The following PURG variants were observed in gnomAD, a reference collection of about 807,000 sequenced individuals.
The protein encoded by PURG is purine-rich element-binding protein gamma.
PURG carries 3 observed loss-of-function variants against 24.3 expected under a neutral mutation model. That is an observed-to-expected ratio of 0.12 (90% confidence interval 0.06 to 0.32). PURG has a LOEUF of 0.32. Ranked by LOEUF, PURG falls within the 10% of genes least tolerant of loss-of-function variation. The pLI is 1.00. For missense variants in PURG, 371 were observed against 439.1 expected (o/e 0.84, Z 1.39); for synonymous variants, 180 against 173.1 (o/e 1.04, Z -0.31).
intron 1 of PURG, among the ~76,000 whole-genome samples, chr8:31,025,671 G>T (rs559193029): frequency 1.3e-5 from 2 of 151,182 alleles, no homozygotes; most frequent in South Asian, 4.2e-4. Context: ...TTTTCTTGGT[G>T]GTCAATAGAA....
In PURG at chr8:31,031,708, T is replaced by G. The variant is rs1198909198; in HGVS notation, c.*31A>C. On this transcript the variant is annotated 3_prime_UTR_variant, in exon 2 of 2. Coordinates refer to ENST00000523392, the MANE Select transcript of PURG (RefSeq NM_001323311.2). ...AGTACTTTTAGCCAATTTGTGATTT[T>G]AAATTTTGCCTGATGGAGTTCAATT... The G allele has an allele frequency of 6.6e-7, 1 of 1,508,436 alleles. No individual in the cohort carries two copies. The highest frequency in any genetic ancestry group is 1.3e-5 in the South Asian group (1 of 76,596). The allele number at this position is 1,508,436 out of a possible 1,614,324, so 93.4% of individuals were successfully genotyped here. A position where few individuals can be genotyped will look rare whatever the true frequency, so the allele number is the denominator to read the frequency against.
Position 31,031,045 on chromosome 8 carries a change from T to A in PURG, c.*694A>T, listed in dbSNP as rs1811190114. The A allele has an allele frequency of 6.6e-6, 1 of 152,566 alleles. No homozygotes were observed. The highest frequency in any genetic ancestry group is 2.1e-4 in the South Asian group (1 of 4,834). 9.5% of individuals were successfully genotyped at this position (152,566 alleles called of 1,614,324 possible). A position where few individuals can be genotyped will look rare whatever the true frequency, so the allele number is the denominator to read the frequency against. On this transcript the variant is annotated 3_prime_UTR_variant, in exon 2 of 2. Coordinates refer to ENST00000523392, the MANE Select transcript of PURG (RefSeq NM_001323311.2). ...TTAAGTAGAGGTAAAGAAGGGATTG[T>A]AACTAAACTTAGAATAACGAATTAA... is the stretch of plus-strand genomic sequence containing the variant.
intron 1 of PURG, among the ~76,000 whole-genome samples, chr8:31,025,099 T>C (rs373644378): frequency 6.6e-6 from 1 of 152,070 alleles, no homozygotes; most frequent in African/African-American, 2.4e-5. Flanking sequence ...TAATTCATTA[T>C]GTTTTTATTT....
chr8:31,007,445 T>C (rs1432800427), intron 1 of PURG, among the ~76,000 whole-genome samples: 1 of 152,190 alleles, frequency 6.6e-6, no homozygotes, highest in Non-Finnish European at 1.5e-5. Flanking sequence ...AATAATGTTT[T>C]CAACTTGAAA....
chr8:31,032,060 T>C lies in PURG; in HGVS notation c.723A>G (p.Glu241=). 6.2e-7 allele frequency: 1 copy of C among 1,614,232 alleles called. No homozygotes were observed. The highest frequency in any genetic ancestry group is 8.5e-7 in the Non-Finnish European group (1 of 1,180,042). ...CTTCTATGTCTCCTTCGCCATAGTC[T>C]TCAATCAGCTGAACCAAGGCATCAC... The part of the protein sequence containing the change: ...EFRDALVQLI[E]DYGEGDIEER... Residue 241 remains glutamate (E), a synonymous_variant, in exon 2 of 2, where the codon GAA becomes GAG. Coordinates refer to ENST00000523392, the MANE Select transcript of PURG (RefSeq NM_001323311.2). This position sits in a 1 kb window ranked among gnomAD's most constrained non-coding sequence, Gnocchi z 5.9.
chr8:31,022,977 C>A (rs1811025838), intron 1 of PURG, among the ~76,000 whole-genome samples: 1 of 152,164 alleles, frequency 6.6e-6, no homozygotes, highest in Non-Finnish European at 1.5e-5. Context: ...TAGGTGACTT[C>A]TTTTGGTAAA....
chr8:31,000,828 C>T (rs1810523537), intron 1 of PURG, among the ~76,000 whole-genome samples: 1 of 152,144 alleles, frequency 6.6e-6, no homozygotes, highest in Non-Finnish European at 1.5e-5. Context: ...GCATCCTCAT[C>T]TTCTGAGAGA....
chr8:30,996,572 G>A lies in PURG; in HGVS notation c.*21C>T, dbSNP rs774620462. On this transcript the variant is annotated 3_prime_UTR_variant, in exon 2 of 2. Coordinates refer to the PURG transcript ENST00000339382. ...TCACCGAATGCCTTTATTCTGAGGT[G>A]TAACATAAGAGATTTATTCCTTATT... 1.3e-5 allele frequency: 20 copies of A among 1,548,764 alleles called. No individual in the cohort carries two copies. In the South Asian group the frequency reaches 1.7e-4, roughly 13 times the overall value.
At chr8:31,003,015 T>A (rs1810569692) in intron 1 of PURG, among the ~76,000 whole-genome samples, 1 of 152,226 alleles carries the variant, frequency 6.6e-6, no homozygotes, top group African/African-American at 2.4e-5. Context: ...TGAGGCTTAG[T>A]ATGACAGCAC....
intron 1 of PURG, among the ~76,000 whole-genome samples, chr8:31,005,417 A>T (rs1810621930): frequency 6.7e-6 from 1 of 149,934 alleles, no homozygotes; most frequent in Admixed American, 6.8e-5. Flanking sequence ...TGGGTAACAG[A>T]GTGAGATCCT....
At chr8:31,000,029 A>G (rs1312900837) in intron 1 of PURG, among the ~76,000 whole-genome samples, 1 of 152,096 alleles carries the variant, frequency 6.6e-6, no homozygotes, top group Admixed American at 6.6e-5. Flanking sequence ...ATTTGTCTAC[A>G]TATACATCTT....
At chr8:31,028,329 A>G (rs1811127446), downstream of PURG, among the ~76,000 whole-genome samples, 1 of 151,812 alleles carries the variant, frequency 6.6e-6, no homozygotes, top group South Asian at 2.1e-4. Flanking sequence ...AACAGTTCCA[A>G]CACAAACATA....
intron 1 of PURG, among the ~76,000 whole-genome samples, chr8:30,998,712 ATATAGTTTATGGCG>A (rs1374332019): frequency 6.6e-6 from 1 of 151,840 alleles, no homozygotes; most frequent in African/African-American, 2.4e-5. Context: ...CTTCTGAACA[ATATAGTTTATGGCG>A]TAATATACAG....
intron 1 of PURG, among the ~76,000 whole-genome samples, chr8:31,013,535 G>C (rs916106275): frequency 1.3e-5 from 2 of 152,084 alleles, no homozygotes; most frequent in Non-Finnish European, 2.9e-5. Flanking sequence ...GCAGGAGTTC[G>C]AGACTAGCCC....
At chr8:31,009,061 A>G (rs1810713334) in intron 1 of PURG, among the ~76,000 whole-genome samples, 1 of 152,202 alleles carries the variant, frequency 6.6e-6, no homozygotes, top group Non-Finnish European at 1.5e-5. Flanking sequence ...TCTGACTTTT[A>G]TATTTATAAC....
chr8:31,028,859 C>T (rs888172910), downstream of PURG, among the ~76,000 whole-genome samples: 9 of 151,752 alleles, frequency 5.9e-5, no homozygotes, highest in African/African-American at 2.2e-4. Flanking sequence ...TTATTAGGTG[C>T]AAACATCATC....
In PURG at chr8:31,032,812, G is replaced by T. The variant is rs770403998; in HGVS notation, c.-6-24C>A. On this transcript the variant is annotated intron_variant, in intron 1 of 1. Coordinates refer to ENST00000523392, the MANE Select transcript of PURG (RefSeq NM_001323311.2). This position sits in a 1 kb window ranked among gnomAD's most constrained non-coding sequence, Gnocchi z 5.9. ...AGCTGCAAGTAACAAACAGACACAC[G>T]GGATGGGGTGGGGGAGGGGTGTTGA... is the stretch of plus-strand genomic sequence containing the variant. The T allele has an allele frequency of 2.2e-6, 3 of 1,378,742 alleles. No individual in the cohort carries two copies. The highest frequency in any genetic ancestry group is 1.9e-5 in the South Asian group (1 of 51,934). The allele number at this position is 1,378,742 out of a possible 1,614,324, so 85.4% of individuals were successfully genotyped here.
At chr8:30,997,691 T>C (rs557201933) in intron 1 of PURG, among the ~76,000 whole-genome samples, 1 of 151,904 alleles carries the variant, frequency 6.6e-6, no homozygotes, top group African/African-American at 2.4e-5. Flanking sequence ...GTTTGTCCAC[T>C]TTGAAATAAT....
At chr8:31,016,150 C>T (rs1030135472) in intron 1 of PURG, among the ~76,000 whole-genome samples, 3 of 152,038 alleles carry the variant, frequency 2.0e-5, no homozygotes, top group African/African-American at 7.2e-5. Context: ...GAGGCCAAGG[C>T]GGGCAGGTCA....
Sources: allele counts gnomAD v4.1 joint callset (sites outside exome capture counted in the v4.1 genomes callset), GRCh38; gene constraint gnomAD v4.1.1; non-coding constraint Gnocchi (gnomAD v3.1); transcripts MANE v1.5; gene names NCBI Gene and HGNC (gene_info 2026-07-23, HGNC 2026-07-21).